The following SPAG5 variants were observed in gnomAD, a reference collection of about 807,000 sequenced individuals.
The protein encoded by SPAG5 is sperm-associated antigen 5.
A neutral mutation model predicts 145.4 loss-of-function variants in SPAG5; 99 were observed. That is an observed-to-expected ratio of 0.68 (90% CI 0.58 to 0.80). The LOEUF (loss-of-function observed/expected upper bound fraction) is 0.80, where lower values mean the gene tolerates loss of function less well. SPAG5 is among the 30% of genes least tolerant of loss of function. The pLI is 0.00. For synonymous variants in SPAG5, 477 were observed against 525.4 expected (o/e 0.91, Z 1.26); for missense variants, 1,192 against 1,416.0 (o/e 0.84, Z 2.54).
intron 2 of SPAG5, among the ~76,000 whole-genome samples, chr17:28,594,068 TAAAAG>T (rs2070643001): frequency 6.6e-6 from 1 of 151,986 alleles, no homozygotes; most frequent in South Asian, 2.1e-4. Flanking sequence ...AACAGTTAAA[TAAAAG>T]AAATTCCAGA....
chr17:28,591,885 GAGA>G lies in SPAG5; in HGVS notation c.1263-16_1263-14del, dbSNP rs912961799. 3.1e-6 allele frequency: 5 copies of G among 1,612,770 alleles called. No individual in the cohort carries two copies. Among genetic ancestry groups the G allele is most frequent in the African/African-American group, 2.7e-5 (2 of 74,874 alleles). On this transcript the variant is annotated splice_polypyrimidine_tract_variant and intron_variant, in intron 3 of 23. Coordinates refer to ENST00000321765, the MANE Select transcript of SPAG5 (RefSeq NM_006461.4). ...ATCTGGAGGCCGGCTGCAGCAGAAA[GAGA>G]AGAACATGACGAAAAGAAAAGGAGG...
At chr17:28,579,689 T>A in intron 17 of SPAG5, 62 bp downstream of exon 17, 1 of 1,524,696 alleles carries the variant, frequency 6.6e-7, no homozygotes, top group South Asian at 1.1e-5. Flanking sequence ...ACTGCTTTCG[T>A]CTTTACTCAT....
intron 4 of SPAG5, among the ~76,000 whole-genome samples, chr17:28,590,600 G>A (rs1340897398): frequency 6.6e-6 from 1 of 152,096 alleles, no homozygotes; most frequent in Non-Finnish European, 1.5e-5. Context: ...GCCAGGCGCA[G>A]TGGCTCACGC....
chr17:28,598,265 TA>T (rs36011353), intron 2 of SPAG5, among the ~76,000 whole-genome samples: 1 of 152,106 alleles, frequency 6.6e-6, no homozygotes, highest in African/African-American at 2.4e-5. Context: ...AATAGTTTGA[TA>T]AAGGTCGAAG....
At chr17:28,588,522 A>G (rs2070600256) in intron 4 of SPAG5, among the ~76,000 whole-genome samples, 2 of 152,100 alleles carry the variant, frequency 1.3e-5, no homozygotes, top group Non-Finnish European at 1.5e-5. Flanking sequence ...CTTTGAGGAT[A>G]TTTTCAACTC....
At position 28,579,381 on chromosome 17, in the gene SPAG5, T is replaced by G. The variant is rs752718977; in HGVS notation, c.2989A>C (p.Thr997Pro). ...LQESKEEAIR[T>P]LQRKICELQA... ...CCCACTCACATTTTTCGCTGCAGAG[T>G]CCTGATGGCTTCTTCTTTAGACTCT... The change falls in exon 18 of 24, where the codon ACT becomes CCT. Residue 997 changes from threonine to proline, a missense_variant. Transcript: ENST00000321765. 5.6e-6 allele frequency: 9 copies of G among 1,614,028 alleles called. No homozygotes were observed. In the African/African-American group the frequency reaches 6.7e-5, roughly 12 times the overall value.
rs765826333 is a variant in SPAG5 at position 28,587,717 on chromosome 17, C to CAA, written c.1438-1220_1438-1219dup. On this transcript the variant is annotated intron_variant, in intron 4 of 23. Coordinates refer to ENST00000321765, the MANE Select transcript of SPAG5 (RefSeq NM_006461.4). ...TGGGTAACAGAGTGAGACCTCGTCT[C>CAA]AAAAAAAAAAAAAAAAAAAAAAAGG... Among the ~76,000 whole-genome samples the CAA allele has an allele frequency of 6.6e-3, 308 of 46,436 alleles. 1 individual carries two copies. The highest frequency in any genetic ancestry group is 0.01 in the Middle Eastern group (1 of 96). 30.5% of individuals were successfully genotyped at this position (46,436 alleles called of 152,430 possible).
At chr17:28,578,185 G>C (rs376849667) in intron 22 of SPAG5, 33 bp downstream of exon 22, 64 of 1,611,484 alleles carry the variant, frequency 4.0e-5, no homozygotes, top group Non-Finnish European at 5.3e-5. Flanking sequence ...ACGATGGTAG[G>C]AAATGGCCCT....
intron 2 of SPAG5, among the ~76,000 whole-genome samples, chr17:28,597,284 G>A (rs1361255552): frequency 1.3e-5 from 2 of 152,064 alleles, no homozygotes; most frequent in African/African-American, 4.8e-5. Flanking sequence ...CAGGCGTGGT[G>A]GTGTGCACCT....
At chr17:28,585,810 G>T in intron 7 of SPAG5, 54 bp downstream of exon 7, 1 of 1,613,272 alleles carries the variant, frequency 6.2e-7, no homozygotes, top group Non-Finnish European at 8.5e-7. Flanking sequence ...TGTTCCTGCA[G>T]GAACCTTGAG....
rs1597598401 is a variant in SPAG5 at position 28,592,346 on chromosome 17, C to T, written c.898G>A (p.Val300Met). Residue 300 changes from valine to methionine, a missense_variant, in exon 3 of 24, where the codon GTG (valine) becomes ATG (methionine). Val to Met is a conservative substitution (Grantham distance 21). Transcript: ENST00000321765. ...ETEDQALVSS[V>M]EDILSTCLTP... ...AGGCATGTGGACAGAATATCTTCCA[C>T]ACTTGAGACAAGTGCTTGATCTTCT... is the stretch of plus-strand genomic sequence containing the variant. 2 of 1,614,062 alleles carry T rather than the reference C, an allele frequency of 1.2e-6. No individual in the cohort carries two copies. The highest frequency in any genetic ancestry group is 1.7e-5 in the Admixed American group (1 of 59,988).
At chr17:28,578,608 T>C (rs916744102) in intron 20 of SPAG5, 64 bp downstream of exon 20, 24 of 1,609,600 alleles carry the variant, frequency 1.5e-5, no homozygotes, top group Middle Eastern at 3.3e-4. Flanking sequence ...CCATTTCTCA[T>C]ACTTGGGATC....
chr17:28,588,664 G>A (rs2070600922), intron 4 of SPAG5, among the ~76,000 whole-genome samples: 1 of 152,064 alleles, frequency 6.6e-6, no homozygotes, highest in Non-Finnish European at 1.5e-5. Flanking sequence ...GGCCTGTGTT[G>A]TAATACAATC....
Position 28,592,458 on chromosome 17 carries a change from A to G in SPAG5, c.786T>C (p.His262=), listed in dbSNP as rs1380830467. ...CTACAATTTCCTCCTCTGGGTCCACATGATTGACACGGAAATCTGCTGCCA... is the reference window on the plus strand; with the variant it reads ...CTACAATTTCCTCCTCTGGGTCCACGTGATTGACACGGAAATCTGCTGCCA... ...TALAADFRVN[H]VDPEEEIVEH... The change falls in exon 3 of 24, where the codon CAT becomes CAC. Residue 262 remains histidine (H), a synonymous_variant. Coordinates refer to ENST00000321765, the MANE Select transcript of SPAG5 (RefSeq NM_006461.4). The G allele has an allele frequency of 3.7e-6, 6 of 1,613,742 alleles. No individual in the cohort carries two copies. The highest frequency in any genetic ancestry group is 3.3e-5 in the Admixed American group (2 of 60,028).
rs1233425580 is a variant in SPAG5, at chr17:28,579,827, T to C, written c.2808A>G (p.Ser936=). ...LTAVADEEPE[S]TPVPLLGSDK... ...CACTTCCAAGCAAGGGCACAGGAGT[T>C]GATTCTGGCTCTAAGAGAAAAACCA... The change falls in exon 17 of 24, where the codon TCA becomes TCG. Residue 936 remains serine (S), a synonymous_variant. Coordinates refer to ENST00000321765, the MANE Select transcript of SPAG5 (RefSeq NM_006461.4). 31 of 1,613,974 alleles carry C rather than the reference T, an allele frequency of 1.9e-5. No individual in the cohort carries two copies. Among genetic ancestry groups the C allele is most frequent in the Non-Finnish European group, 2.5e-5 (30 of 1,179,980 alleles).
intron 11 of SPAG5, 75 bp downstream of exon 11, chr17:28,584,577 T>G: frequency 6.3e-7 from 1 of 1,599,618 alleles, no homozygotes; most frequent in Non-Finnish European, 8.6e-7. Context: ...ACTTCCTTGC[T>G]CTAGTGCCAC....
chr17:28,592,960 T>G lies in SPAG5; in HGVS notation c.284A>C (p.His95Pro). ...ATCTAGAGGCTGCTCATCTGATTCA[T>G]GCTGACAAGTTTCTAGCCACTTTGA... ...HSSKWLETCQ[H>P]ESDEQPLDPI... Residue 95 changes from histidine to proline, a missense_variant, in exon 3 of 24, where the codon CAT (histidine) becomes CCT (proline). His to Pro is a moderately conservative substitution (Grantham distance 77). Transcript: ENST00000321765. The G allele has an allele frequency of 6.2e-7, 1 of 1,614,206 alleles. No individual in the cohort carries two copies. Among genetic ancestry groups the G allele is most frequent in the South Asian group, 1.1e-5 (1 of 91,084 alleles).
At chr17:28,598,042 A>G (rs559495933) in intron 2 of SPAG5, among the ~76,000 whole-genome samples, 1 of 152,350 alleles carries the variant, frequency 6.6e-6, no homozygotes, top group African/African-American at 2.4e-5. Context: ...ACGTTTAACA[A>G]AAGTACAAAT....
chr17:28,587,693 G>C (rs918669432), intron 4 of SPAG5, among the ~76,000 whole-genome samples: 2 of 147,448 alleles, frequency 1.4e-5, no homozygotes, highest in African/African-American at 5.1e-5. Flanking sequence ...ACTCCAGTGT[G>C]GGTAACAGAG....
Sources: allele counts gnomAD v4.1 joint callset (sites outside exome capture counted in the v4.1 genomes callset), GRCh38; gene constraint gnomAD v4.1.1; transcripts MANE v1.5; gene names NCBI Gene and HGNC (gene_info 2026-07-23, HGNC 2026-07-21).